The following ALPL variants were observed in gnomAD, a reference collection of about 807,000 sequenced individuals.
ALPL encodes the protein alkaline phosphatase, tissue-nonspecific isozyme.
In ALPL, 42 loss-of-function variants were observed where a neutral mutation model predicts 51.3. The ratio of observed to expected loss-of-function variants is 0.82; its 90% CI spans 0.64 to 1.06. The LOEUF (loss-of-function observed/expected upper bound fraction) is 1.06, where lower values mean the gene tolerates loss of function less well. Ranked by LOEUF, ALPL falls within the 50% of genes least tolerant of loss-of-function variation. The pLI is 0.00. For missense variants in ALPL, 589 were observed against 709.4 expected (o/e 0.83, Z 1.93); for synonymous variants, 279 against 296.4 (o/e 0.94, Z 0.60).
intron 10 of ALPL, 98 bp from the exon 11 acceptor site, chr1:21,576,424 C>T (rs1179247607): frequency 1.1e-5 from 17 of 1,532,856 alleles, no homozygotes; most frequent in Non-Finnish European, 1.4e-5. Context: ...CAAAGAAGAT[C>T]CCAGGGGTTA....
At chr1:21,514,215 C>A (rs916698953) in intron 1 of ALPL, among the ~76,000 whole-genome samples, 1 of 151,994 alleles carries the variant, frequency 6.6e-6, no homozygotes, top group Non-Finnish European at 1.5e-5. Flanking sequence ...GAGCATCTAC[C>A]TGTCAAGGCT....
At chr1:21,556,103 G>A (rs547817330) in intron 2 of ALPL, among the ~76,000 whole-genome samples, 25 of 152,224 alleles carry the variant, frequency 1.6e-4, no homozygotes, top group Admixed American at 5.2e-4. Context: ...GGAGATTCAC[G>A]CGGAAGTGTT....
At chr1:21,573,824 G>A (rs763585121) in intron 9 of ALPL, 25 bp downstream of exon 9, 67 of 1,613,916 alleles carry the variant, frequency 4.2e-5, no homozygotes, top group Admixed American at 2.8e-4. Context: ...TCTGCTGAGA[G>A]GGGGCTGCTG....
At chr1:21,511,980 T>A (rs1408113349) in intron 1 of ALPL, among the ~76,000 whole-genome samples, 1 of 152,180 alleles carries the variant, frequency 6.6e-6, no homozygotes, top group Non-Finnish European at 1.5e-5. Flanking sequence ...GGCCTTTTAA[T>A]CCAGGGAGTA....
intron 1 of ALPL, among the ~76,000 whole-genome samples, chr1:21,535,718 T>A (rs987693264): frequency 9.2e-5 from 14 of 152,158 alleles, no homozygotes; most frequent in African/African-American, 3.4e-4. Flanking sequence ...CTTAGCTTTC[T>A]CGTTTTCTTT....
intron 7 of ALPL, among the ~76,000 whole-genome samples, chr1:21,569,186 A>G (rs960437088): frequency 6.6e-6 from 1 of 152,112 alleles, no homozygotes; most frequent in African/African-American, 2.4e-5. Flanking sequence ...CTTCTGAGTC[A>G]GCTCAGGCTG....
intron 1 of ALPL, among the ~76,000 whole-genome samples, chr1:21,546,504 C>T (rs1644254996): frequency 6.6e-6 from 1 of 152,172 alleles, no homozygotes; most frequent in Non-Finnish European, 1.5e-5. Flanking sequence ...ACTCTCCTGA[C>T]TTCACAGGAT....
At chr1:21,539,317 T>C (rs1440376898) in intron 1 of ALPL, among the ~76,000 whole-genome samples, 1 of 152,104 alleles carries the variant, frequency 6.6e-6, no homozygotes, top group Admixed American at 6.5e-5. Flanking sequence ...ATCAAGTGAG[T>C]TAATATAGGT....
chr1:21,569,739 C>T (rs2148175644), intron 7 of ALPL, among the ~76,000 whole-genome samples: 1 of 152,246 alleles, frequency 6.6e-6, no homozygotes, highest in East Asian at 1.9e-4. Context: ...TGGTCCAGGC[C>T]CACATGGTGC....
intron 9 of ALPL, chr1:21,574,093 G>T: frequency 1.0e-6 from 1 of 985,448 alleles, no homozygotes; most frequent in African/African-American, 1.7e-5. Flanking sequence ...GGCCCTGAAG[G>T]GGCAAGCAGC....
chr1:21,524,986 A>T (rs1643923521), intron 1 of ALPL, among the ~76,000 whole-genome samples: 3 of 152,094 alleles, frequency 2.0e-5, no homozygotes. Context: ...TCCAGGCCTC[A>T]CTCCAGGGCT....
chr1:21,510,395 G>A (rs1036261029), intron 1 of ALPL, among the ~76,000 whole-genome samples: 2 of 152,186 alleles, frequency 1.3e-5, no homozygotes, highest in Non-Finnish European at 2.9e-5. Flanking sequence ...AAGAGGGGGC[G>A]ATTCTTGGGC....
chr1:21,518,330 G>A (rs1055655194), intron 1 of ALPL, among the ~76,000 whole-genome samples: 2 of 152,046 alleles, frequency 1.3e-5, no homozygotes, highest in African/African-American at 2.4e-5. Context: ...CACTTGTTAC[G>A]CACCAAGCCA....
rs1157254887 is a variant in ALPL at position 21,577,408 on chromosome 1, T to C, written c.1335T>C (p.Ser445=). Residue 445 remains serine (S), a synonymous_variant, in exon 12 of 12, where the codon TCT becomes TCC. Transcript: ENST00000374840. ...CTCACAACAACTACCAGGCGCAGTC[T>C]GCTGTGCCCCTGCGCCACGAGACCC... ...DYAHNNYQAQ[S]AVPLRHETHG... The C allele has an allele frequency of 6.2e-7, 1 of 1,613,184 alleles. No individual in the cohort carries two copies. Among genetic ancestry groups the C allele is most frequent in the Admixed American group, 1.7e-5 (1 of 60,012 alleles).
At chr1:21,577,100 C>T (rs940455938) in intron 11 of ALPL, among the ~76,000 whole-genome samples, 4 of 152,180 alleles carry the variant, frequency 2.6e-5, no homozygotes, top group Non-Finnish European at 5.9e-5. Flanking sequence ...TCTAAAGATG[C>T]AGCAATGGTA....
At chr1:21,546,629 C>T (rs913091496) in intron 1 of ALPL, among the ~76,000 whole-genome samples, 1 of 152,248 alleles carries the variant, frequency 6.6e-6, no homozygotes, top group African/African-American at 2.4e-5. Context: ...TCCTGGGTGA[C>T]TGCTGGCTTT....
chr1:21,572,129 A>G (rs542362593), intron 8 of ALPL, among the ~76,000 whole-genome samples: 1 of 152,394 alleles, frequency 6.6e-6, no homozygotes, highest in South Asian at 2.1e-4. Context: ...CAGTTTGGGC[A>G]ACAGAGTGAG....
At chr1:21,537,878 C>T (rs1303989661) in intron 1 of ALPL, among the ~76,000 whole-genome samples, 3 of 152,132 alleles carry the variant, frequency 2.0e-5, no homozygotes, top group Admixed American at 6.5e-5. Context: ...GTGAAAAGCC[C>T]CCGGCGCGTA....
intron 1 of ALPL, among the ~76,000 whole-genome samples, chr1:21,551,981 TC>T (rs1176266013): frequency 6.6e-6 from 1 of 150,866 alleles, no homozygotes; most frequent in Non-Finnish European, 1.5e-5. Flanking sequence ...CGCCTCGGCC[TC>T]CCAAAGTGCT....
Sources: allele counts gnomAD v4.1 joint callset (sites outside exome capture counted in the v4.1 genomes callset), GRCh38; gene constraint gnomAD v4.1.1; transcripts MANE v1.5; gene names NCBI Gene and HGNC (gene_info 2026-07-23, HGNC 2026-07-21).